The following LIN7A variants were observed in gnomAD, a reference collection of about 807,000 sequenced individuals.
LIN7A encodes protein lin-7 homolog A.
In LIN7A, 25 loss-of-function variants were observed where a neutral mutation model predicts 29.8. That is an observed-to-expected ratio of 0.84 (90% CI 0.61 to 1.17). The LOEUF is 1.17. Ranked by LOEUF, LIN7A falls within the 50% of genes most tolerant of loss-of-function variation. The probability of loss-of-function intolerance (pLI) is 0.00; values close to 1 mark genes in which losing one functional copy is unlikely to be tolerated. For missense variants in LIN7A, 239 were observed against 287.0 expected, an observed-to-expected ratio of 0.83 and a Z score of 1.21; for synonymous variants, 118 against 107.5, an observed-to-expected ratio of 1.10 and a Z score of -0.60.
rs754770562 is a variant in LIN7A, at chr12:80,811,704, C to T, written c.484-21G>A. ...ACACTCTGAAAATACAATGACACTT[C>T]TTAAAGGGAGGAGGTTCAATGTTCT... On this transcript the variant is annotated intron_variant, in intron 4 of 5. Transcript: ENST00000552864. 3.2e-6 allele frequency: 5 copies of T among 1,586,720 alleles called. No homozygotes were observed. In the Admixed American group the frequency reaches 6.7e-5, roughly 21 times the overall value.
Position 80,811,593 on chromosome 12 carries a change from C to T in LIN7A, c.574G>A (p.Val192Ile), listed in dbSNP as rs752781737. 2 of 1,614,068 alleles carry T rather than the reference C, an allele frequency of 1.2e-6. No homozygotes were observed. Among genetic ancestry groups the T allele is most frequent in the South Asian group, 1.1e-5 (1 of 91,078 alleles). ...AAGCGAGCCTCCATTTCTTCCAGAA[C>T]TTTTGGGGTGTATCGCACCACCAGC... ...VKLVVRYTPK[V>I]LEEMEARFEK... Residue 192 changes from valine (V) to isoleucine (I), a missense_variant, in exon 5 of 6, where the codon GTT (valine) becomes ATT (isoleucine). Coordinates refer to ENST00000552864, the MANE Select transcript of LIN7A (RefSeq NM_004664.4).
intron 4 of LIN7A, among the ~76,000 whole-genome samples, chr12:80,830,041 C>T (rs994480330): frequency 2.0e-5 from 3 of 152,024 alleles, no homozygotes; most frequent in African/African-American, 7.3e-5. Context: ...GTGATCTGGC[C>T]CCTGTGTATA....
intron 2 of LIN7A, among the ~76,000 whole-genome samples, chr12:80,854,265 G>A (rs1298533856): frequency 6.6e-6 from 1 of 151,888 alleles, no homozygotes; most frequent in Non-Finnish European, 1.5e-5. Context: ...CCATACAATG[G>A]ACTACTTGGC....
At chr12:80,798,440 A>G (rs1351567942) in intron 5 of LIN7A, among the ~76,000 whole-genome samples, 1 of 152,184 alleles carries the variant, frequency 6.6e-6, no homozygotes, top group Non-Finnish European at 1.5e-5. Flanking sequence ...AACACTCTCC[A>G]GCTGTCATGC....
intron 2 of LIN7A, among the ~76,000 whole-genome samples, chr12:80,872,591 T>C (rs968847198): frequency 6.6e-6 from 1 of 152,226 alleles, no homozygotes; most frequent in Non-Finnish European, 1.5e-5. Flanking sequence ...TTACATTTCT[T>C]CCAACCTTGT....
chr12:80,872,097 T>C (rs1322363602), intron 2 of LIN7A, among the ~76,000 whole-genome samples: 3 of 152,090 alleles, frequency 2.0e-5, no homozygotes, highest in Admixed American at 6.5e-5. Context: ...TCTTTGCATC[T>C]GGCAATAAAA....
chr12:80,805,148 G>A (rs1171546528), intron 5 of LIN7A, among the ~76,000 whole-genome samples: 2 of 152,112 alleles, frequency 1.3e-5, no homozygotes, highest in Non-Finnish European at 2.9e-5. Flanking sequence ...ACTTAAAAGA[G>A]TTCTTGGCAC....
At chr12:80,844,116 C>T (rs985096976) in intron 4 of LIN7A, among the ~76,000 whole-genome samples, 2 of 151,946 alleles carry the variant, frequency 1.3e-5, no homozygotes, top group Admixed American at 1.3e-4. Flanking sequence ...CAAGTTCATA[C>T]TCTGGGGCAT....
At chr12:80,901,866 G>A (rs1368533496) in intron 1 of LIN7A, among the ~76,000 whole-genome samples, 2 of 152,020 alleles carry the variant, frequency 1.3e-5, no homozygotes, top group African/African-American at 2.4e-5. Context: ...TTTGAGAGTT[G>A]TATGATGAGG....
intron 1 of LIN7A, among the ~76,000 whole-genome samples, chr12:80,891,093 G>A (rs77040308): frequency 1.3e-5 from 2 of 151,934 alleles, no homozygotes; most frequent in Admixed American, 6.6e-5. Context: ...ACAGATAGTC[G>A]GCAAGTGCGG....
intron 4 of LIN7A, among the ~76,000 whole-genome samples, chr12:80,831,530 A>G (rs1376207631): frequency 2.0e-5 from 3 of 152,236 alleles, no homozygotes; most frequent in Non-Finnish European, 4.4e-5. Context: ...AGAAGAGTAA[A>G]CAAATTTATT....
chr12:80,874,934 G>C (rs113226791), intron 2 of LIN7A, among the ~76,000 whole-genome samples: 7 of 152,336 alleles, frequency 4.6e-5, no homozygotes, highest in African/African-American at 1.7e-4. Flanking sequence ...CCAGGAGGCA[G>C]AGCTTGCAGT....
intron 5 of LIN7A, among the ~76,000 whole-genome samples, chr12:80,798,156 C>T (rs1020801839): frequency 5.9e-5 from 9 of 152,154 alleles, no homozygotes; most frequent in Non-Finnish European, 7.3e-5. Flanking sequence ...CCTTCTCTGA[C>T]GTGGACATTA....
chr12:80,835,636 TATCCAGCGTA>T (rs890884228), intron 4 of LIN7A, among the ~76,000 whole-genome samples: 1 of 152,154 alleles, frequency 6.6e-6, no homozygotes, highest in African/African-American at 2.4e-5. Flanking sequence ...ATTTAAAAGG[TATCCAGCGTA>T]ATGCCAGACA....
Position 80,845,919 on chromosome 12 carries a change from T to G in LIN7A, c.294A>C (p.Ala98=). Residue 98 remains alanine (A), a synonymous_variant, in exon 4 of 6, where the codon GCA becomes GCC. Coordinates refer to ENST00000552864, the MANE Select transcript of LIN7A (RefSeq NM_004664.4). ...ATAKATVAAF[A]ASEGHSHPRV... is the part of the protein sequence containing the mutation. ...GAGGGTGGGAGTGGCCTTCACTAGC[T>G]GCAAAAGCTGCAACTGTTGCCTGAA... 2.5e-6 allele frequency: 4 copies of G among 1,588,516 alleles called. No individual in the cohort carries two copies. The highest frequency in any genetic ancestry group is 1.7e-4 in the Middle Eastern group (1 of 5,842).
At chr12:80,827,441 T>TATGGACTA (rs1188409100) in intron 4 of LIN7A, among the ~76,000 whole-genome samples, 1 of 152,156 alleles carries the variant, frequency 6.6e-6, no homozygotes, top group African/African-American at 2.4e-5. Flanking sequence ...TTTAGGTTTA[T>TATGGACTA]ATGGACTACC....
intron 1 of LIN7A, among the ~76,000 whole-genome samples, chr12:80,931,240 C>T (rs923515882): frequency 6.6e-6 from 1 of 152,172 alleles, no homozygotes; most frequent in African/African-American, 2.4e-5. Flanking sequence ...CATTTCAGGG[C>T]TCGGATGAAT....
At chr12:80,822,088 GGAAA>G (rs1302246031) in intron 4 of LIN7A, among the ~76,000 whole-genome samples, 2 of 152,192 alleles carry the variant, frequency 1.3e-5, no homozygotes, top group African/African-American at 4.8e-5. Context: ...AGTTTATAAA[GGAAA>G]GAGGTTTAAT....
intron 1 of LIN7A, among the ~76,000 whole-genome samples, chr12:80,895,538 C>T (rs1232981991): frequency 6.6e-6 from 1 of 152,204 alleles, no homozygotes; most frequent in Admixed American, 6.5e-5. Context: ...TATGAATTAT[C>T]TATCCCAAAG....
Sources: allele counts gnomAD v4.1 joint callset (sites outside exome capture counted in the v4.1 genomes callset), GRCh38; gene constraint gnomAD v4.1.1; transcripts MANE v1.5; gene names NCBI Gene and HGNC (gene_info 2026-07-23, HGNC 2026-07-21).